The following HEXB variants were observed in gnomAD, a reference collection of about 807,000 sequenced individuals.
HEXB encodes beta-hexosaminidase subunit beta.
A neutral mutation model predicts 71.2 loss-of-function variants in HEXB; 51 were observed. That is an observed-to-expected ratio of 0.72 (90% CI 0.57 to 0.90). The LOEUF (loss-of-function observed/expected upper bound fraction) is 0.90. Ranked by LOEUF, HEXB falls within the 40% of genes least tolerant of loss-of-function variation. The pLI is 0.00. For missense variants in HEXB, 617 were observed against 677.0 expected, an observed-to-expected ratio of 0.91 and a Z score of 0.98; for synonymous variants, 266 against 249.3, an observed-to-expected ratio of 1.07 and a Z score of -0.63.
chr5:74,699,651 T>G (rs1035595125), intron 5 of HEXB, among the ~76,000 whole-genome samples: 7 of 152,202 alleles, frequency 4.6e-5, no homozygotes, highest in African/African-American at 1.7e-4. Flanking sequence ...AATTAACTAT[T>G]ATCATAAATA....
At chr5:74,719,673 G>A (rs990677600) in intron 11 of HEXB, among the ~76,000 whole-genome samples, 2 of 152,206 alleles carry the variant, frequency 1.3e-5, no homozygotes, top group Admixed American at 1.3e-4. Flanking sequence ...GCTGGGCACG[G>A]TGGCTGACGC....
chr5:74,685,173 G>C, upstream of HEXB: 1 of 1,358,376 alleles, frequency 7.4e-7, no homozygotes, highest in South Asian at 1.6e-5. Context: ...ACTCACCCGC[G>C]GCCGCGCTTC....
chr5:74,694,726 A>T (rs1749073159), intron 3 of HEXB, among the ~76,000 whole-genome samples: 1 of 152,110 alleles, frequency 6.6e-6, no homozygotes, highest in South Asian at 2.1e-4. Flanking sequence ...CCACTTTGGG[A>T]GGTTGAGGCA....
intron 10 of HEXB, 105 bp downstream of exon 10, chr5:74,718,468 G>T: frequency 1.1e-6 from 1 of 904,046 alleles, no homozygotes. Context: ...CCTTTCTAGT[G>T]TAGTTAGTGA....
At chr5:74,661,977 A>G (rs1292320367) in intron 1 of HEXB, among the ~76,000 whole-genome samples, 1 of 152,050 alleles carries the variant, frequency 6.6e-6, no homozygotes, top group African/African-American at 2.4e-5. Context: ...TTTGATCTTT[A>G]TGACAACCCT....
chr5:74,656,653 G>A (rs1387675131), intron 1 of HEXB, among the ~76,000 whole-genome samples: 1 of 152,214 alleles, frequency 6.6e-6, no homozygotes, highest in Middle Eastern at 3.2e-3. Context: ...CGCCCAGGCT[G>A]TAGTGCAGTG....
At chr5:74,715,413 G>A (rs987548883) in intron 7 of HEXB, 97 bp from the exon 8 acceptor site, 4 of 838,890 alleles carry the variant, frequency 4.8e-6, no homozygotes, top group Admixed American at 2.1e-5. Context: ...ATAAAATCTT[G>A]TAGCTTCAAT....
intron 1 of HEXB, among the ~76,000 whole-genome samples, chr5:74,666,251 A>C (rs940384152): frequency 6.6e-6 from 1 of 152,256 alleles, no homozygotes; most frequent in Non-Finnish European, 1.5e-5. Context: ...ATGGGTCACA[A>C]ATAATACCAA....
chr5:74,693,365 A>C (rs1326625531), intron 2 of HEXB: 1 of 506,300 alleles, frequency 2.0e-6, no homozygotes, highest in Non-Finnish European at 3.6e-6. Flanking sequence ...AAGTGACTGG[A>C]TGGTGGTGCT....
intron 1 of HEXB, among the ~76,000 whole-genome samples, chr5:74,670,104 C>T (rs1333603563): frequency 6.6e-6 from 1 of 151,986 alleles, no homozygotes; most frequent in East Asian, 1.9e-4. Flanking sequence ...TGATTGAGAA[C>T]CTCTCTTCCT....
chr5:74,689,305 G>C, intron 1 of HEXB, 23 bp from the exon 2 acceptor site: 1 of 1,600,292 alleles, frequency 6.2e-7, no homozygotes. Context: ...TCTAAAATGT[G>C]TTTACATTTA....
At chr5:74,651,214 C>A (rs1245972108) in intron 1 of HEXB, among the ~76,000 whole-genome samples, 1 of 152,128 alleles carries the variant, frequency 6.6e-6, no homozygotes, top group Non-Finnish European at 1.5e-5. Context: ...AATACTTTGC[C>A]CAGGATCACA....
chr5:74,710,235 C>G (rs943681905), intron 6 of HEXB, among the ~76,000 whole-genome samples: 1 of 151,866 alleles, frequency 6.6e-6, no homozygotes, highest in African/African-American at 2.4e-5. Flanking sequence ...CAAAATTCAA[C>G]AACCCTTCAT....
intron 1 of HEXB, among the ~76,000 whole-genome samples, chr5:74,661,511 CTCTGTGTGTGTGTGTGTGTGTG>C (rs1275877403): frequency 5.5e-5 from 7 of 127,830 alleles, no homozygotes; most frequent in South Asian, 5.3e-4. Context: ...TTTTCTCTCT[CTCTGTGTGTGTGTGTGTGTGTG>C]TGTGTGTGTG....
At chr5:74,670,701 C>T (rs1243639848) in intron 1 of HEXB, among the ~76,000 whole-genome samples, 1 of 152,238 alleles carries the variant, frequency 6.6e-6, no homozygotes, top group Non-Finnish European at 1.5e-5. Context: ...AACACCCCCT[C>T]TGGGACTTTG....
Position 74,697,044 on chromosome 5 carries a change from A to G in HEXB, c.607A>G (p.Arg203Gly). The G allele has an allele frequency of 6.3e-7, 1 of 1,587,352 alleles. No homozygotes were observed. Among genetic ancestry groups the G allele is most frequent in the Non-Finnish European group, 8.6e-7 (1 of 1,156,522 alleles). ...TATTGATTCTCCAAGGTTTTCTCACAGAGGAATTTTGATTGATACATCCAG... is the reference window on the plus strand; with the variant it reads ...TATTGATTCTCCAAGGTTTTCTCACGGAGGAATTTTGATTGATACATCCAG... ...TIIDSPRFSHRGILIDTSRHY... is the reference protein window; with the variant it reads ...TIIDSPRFSHGGILIDTSRHY... The change falls in exon 5 of 14, where the codon AGA becomes GGA. Residue 203 changes from arginine (R) to glycine (G), a missense_variant. Physicochemically the swap from Arg to Gly is moderately radical, Grantham distance 125 (BLOSUM62 -2). Transcript: ENST00000261416.
chr5:74,700,110 G>A (rs374499854), intron 5 of HEXB, among the ~76,000 whole-genome samples: 7 of 141,044 alleles, frequency 5.0e-5, no homozygotes, highest in African/African-American at 1.3e-4. Flanking sequence ...GGGTTCAAGC[G>A]ATTCTTGGAC....
intron 1 of HEXB, among the ~76,000 whole-genome samples, chr5:74,659,745 G>C (rs1445020023): frequency 6.6e-6 from 1 of 152,000 alleles, no homozygotes; most frequent in African/African-American, 2.4e-5. Flanking sequence ...TAACTCTAGG[G>C]GACTTCAGCA....
rs897304925 is a variant in HEXB, at chr5:74,685,510, A to C, written c.250A>C (p.Asn84His). The C allele has an allele frequency of 2.3e-5, 37 of 1,604,182 alleles. No individual in the cohort carries two copies. Among genetic ancestry groups the C allele is most frequent in the Admixed American group, 3.4e-5 (2 of 58,790 alleles). The change falls in exon 1 of 14, where the codon AAT (asparagine) becomes CAT (histidine). Residue 84 changes from asparagine to histidine, a missense_variant. By Grantham distance (68) the Asn-to-His change is moderately conservative. Coordinates refer to ENST00000261416, the MANE Select transcript of HEXB (RefSeq NM_000521.4). Reference sequence around the variant, plus strand: ...GAACTTCTACATCAGCCACAGCCCCAATTCCACGGCGGGCCCCTCCTGCAC... The same window carrying C: ...GAACTTCTACATCAGCCACAGCCCCCATTCCACGGCGGGCCCCTCCTGCAC... ...PENFYISHSPNSTAGPSCTLL... is the reference protein window; with the variant it reads ...PENFYISHSPHSTAGPSCTLL...
Sources: gnomAD v4.1 joint callset for allele counts (sites outside exome capture counted in the v4.1 genomes callset) on GRCh38, gnomAD v4.1.1 for gene constraint, MANE v1.5 for transcripts, NCBI Gene and HGNC (gene_info 2026-07-23, HGNC 2026-07-21) for gene names.